The following TAB2 variants were observed in gnomAD, a reference collection of about 807,000 sequenced individuals.
The protein encoded by TAB2 is TGF-beta activated kinase 1 (MAP3K7) binding protein 2, also known as TGF-beta-activated kinase 1 and MAP3K7-binding protein 2.
In TAB2, 3 loss-of-function variants were observed where a neutral mutation model predicts 65.0. The observed-to-expected ratio is 0.05, with a 90% CI of 0.02 to 0.12. The LOEUF (loss-of-function observed/expected upper bound fraction) is 0.12, where lower values mean the gene tolerates loss of function less well. Among genes scored for constraint, TAB2 ranks in the 10% least tolerant of loss-of-function variants. The probability of loss-of-function intolerance (pLI) is 1.00; values close to 1 mark genes in which losing one functional copy is unlikely to be tolerated. For synonymous variants in TAB2, 298 were observed against 285.1 expected (o/e 1.05, Z -0.46); for missense variants, 623 against 840.3 (o/e 0.74, Z 3.20).
intron 1 of TAB2, among the ~76,000 whole-genome samples, chr6:149,226,301 T>C (rs1162439760): frequency 3.9e-5 from 6 of 152,064 alleles, no homozygotes; most frequent in Non-Finnish European, 7.4e-5. Flanking sequence ...ACTTAACGGG[T>C]AGGAGAAGTG....
intron 1 of TAB2, among the ~76,000 whole-genome samples, chr6:149,364,481 C>T (rs506268): frequency 0.44 from 67,226 of 151,718 alleles, 15,404 homozygotes; most frequent in East Asian, 0.6. Context: ...GCAGAAGACG[C>T]AGACAGAAGA....
intron 1 of TAB2, among the ~76,000 whole-genome samples, chr6:149,340,698 CAAACTT>C (rs1360838246): frequency 2.0e-5 from 3 of 152,060 alleles, no homozygotes; most frequent in African/African-American, 7.2e-5. Flanking sequence ...TGGAAATCCT[CAAACTT>C]AAATACCCTT....
chr6:149,402,287 C>T (rs1241129508), intron 6 of TAB2, among the ~76,000 whole-genome samples: 1 of 151,724 alleles, frequency 6.6e-6, no homozygotes, highest in African/African-American at 2.4e-5. Context: ...ATATTAGGAA[C>T]AATTTTATGC....
chr6:149,248,456 G>GAA (rs1338306935), intron 1 of TAB2, among the ~76,000 whole-genome samples: 7 of 110,796 alleles, frequency 6.3e-5, no homozygotes, highest in Middle Eastern at 4.7e-3. Context: ...AGGAAGAAAA[G>GAA]AAGGAAGGAA....
chr6:149,403,924 G>A (rs1190043376), intron 6 of TAB2, among the ~76,000 whole-genome samples: 1 of 151,840 alleles, frequency 6.6e-6, no homozygotes, highest in Non-Finnish European at 1.5e-5. Context: ...CTAACACTGG[G>A]GATTACATTT....
At chr6:149,353,438 CATT>C (rs1389006178) in intron 1 of TAB2, among the ~76,000 whole-genome samples, 1 of 152,204 alleles carries the variant, frequency 6.6e-6, no homozygotes, top group African/African-American at 2.4e-5. Flanking sequence ...CTCAGATAAT[CATT>C]GTTACCAGTT....
chr6:149,339,593 A>ATTTT (rs1562422713), intron 1 of TAB2, among the ~76,000 whole-genome samples: 17 of 15,470 alleles, frequency 1.1e-3, no homozygotes, highest in Admixed American at 1.4e-3. Flanking sequence ...TTTTTTATTT[A>ATTTT]TTTATTTATT....
At chr6:149,291,070 T>G (rs923310888) in intron 1 of TAB2, among the ~76,000 whole-genome samples, 1 of 152,232 alleles carries the variant, frequency 6.6e-6, no homozygotes, top group Non-Finnish European at 1.5e-5. Flanking sequence ...TTGAAAAGTT[T>G]TTCTTCTATT....
chr6:149,290,063 G>T (rs1778748926), intron 1 of TAB2, among the ~76,000 whole-genome samples: 3 of 152,206 alleles, frequency 2.0e-5, no homozygotes, highest in Admixed American at 1.3e-4. Context: ...AGGTTTCAGA[G>T]AGAAAAGATT....
intron 1 of TAB2, among the ~76,000 whole-genome samples, chr6:149,286,554 C>G (rs9498288): frequency 0.2 from 30,437 of 152,058 alleles, 3,254 homozygotes; most frequent in East Asian, 0.43. Context: ...CCCCTAAAAG[C>G]TTTCAGATGC....
At chr6:149,244,645 TC>T (rs1777669521) in intron 1 of TAB2, 1 of 151,794 alleles carries the variant, frequency 6.6e-6, no homozygotes, top group Admixed American at 6.6e-5. Context: ...AGGTAAGGAG[TC>T]AGGGGTGCTG....
chr6:149,361,063 G>A (rs1780831427), intron 1 of TAB2, among the ~76,000 whole-genome samples: 1 of 152,172 alleles, frequency 6.6e-6, no homozygotes, highest in African/African-American at 2.4e-5. Context: ...GCTTTTTCTA[G>A]CACAAGGTGT....
intron 1 of TAB2, among the ~76,000 whole-genome samples, chr6:149,341,332 A>T (rs1370849708): frequency 1.3e-5 from 2 of 152,120 alleles, no homozygotes; most frequent in Non-Finnish European, 1.5e-5. Context: ...TTAGAATGTG[A>T]TTATAGTTGA....
At chr6:149,227,022 G>C (rs1777294467) in intron 1 of TAB2, among the ~76,000 whole-genome samples, 1 of 152,156 alleles carries the variant, frequency 6.6e-6, no homozygotes, top group Admixed American at 6.5e-5. Flanking sequence ...GAAAACTCCA[G>C]ATCCAACAGA....
upstream of TAB2, among the ~76,000 whole-genome samples, chr6:149,313,881 T>A (rs913505262): frequency 6.6e-6 from 1 of 152,174 alleles, no homozygotes; most frequent in Non-Finnish European, 1.5e-5. Flanking sequence ...ACATTTTCCC[T>A]CTCTTAAGAT....
At chr6:149,403,266 AT>A (rs1782519001) in intron 6 of TAB2, among the ~76,000 whole-genome samples, 1 of 46,704 alleles carries the variant, frequency 2.1e-5, no homozygotes, top group South Asian at 8.1e-4. Flanking sequence ...ATATATATAT[AT>A]ATATATATAT....
intron 1 of TAB2, among the ~76,000 whole-genome samples, chr6:149,240,976 C>T (rs1490029642): frequency 1.3e-5 from 2 of 152,100 alleles, no homozygotes; most frequent in African/African-American, 4.8e-5. Context: ...AAGGGTGGGG[C>T]CCTAATCCAA....
chr6:149,369,217 G>C (rs532452959), intron 1 of TAB2, among the ~76,000 whole-genome samples: 85 of 152,160 alleles, frequency 5.6e-4, no homozygotes, highest in African/African-American at 2.0e-3. Flanking sequence ...GAAACAATAG[G>C]AATAAAAATA....
intron 1 of TAB2, among the ~76,000 whole-genome samples, chr6:149,300,636 T>A (rs979499984): frequency 6.6e-6 from 1 of 152,234 alleles, no homozygotes; most frequent in African/African-American, 2.4e-5. Flanking sequence ...TGTCAGTCAT[T>A]GGTTAGGAAC....
Sources: allele counts gnomAD v4.1 joint callset (sites outside exome capture counted in the v4.1 genomes callset), GRCh38; gene constraint gnomAD v4.1.1; transcripts MANE v1.5; gene names NCBI Gene and HGNC (gene_info 2026-07-23, HGNC 2026-07-21).